The following CYYR1 variants were observed in gnomAD, a reference collection of about 807,000 sequenced individuals.
The protein encoded by CYYR1 is cysteine and tyrosine-rich protein 1.
Under a neutral mutation model 15.2 loss-of-function variants are expected in CYYR1, and 14 were observed. That is an observed-to-expected ratio of 0.92 (90% confidence interval 0.61 to 1.44). The LOEUF (loss-of-function observed/expected upper bound fraction) is 1.44. Ranked by LOEUF, CYYR1 falls within the 40% of genes most tolerant of loss-of-function variation. The pLI, the probability that CYYR1 is intolerant of heterozygous loss-of-function variation, is 0.00. For synonymous variants in CYYR1, 80 were observed against 77.4 expected, an observed-to-expected ratio of 1.03 and a Z score of -0.18; for missense variants, 228 against 209.5, an observed-to-expected ratio of 1.09 and a Z score of -0.54.
At chr21:26,515,293 C>CT (rs1265301519) in intron 2 of CYYR1, among the ~76,000 whole-genome samples, 2 of 152,170 alleles carry the variant, frequency 1.3e-5, no homozygotes, top group African/African-American at 2.4e-5. Context: ...TCCTGTACAC[C>CT]TTGTCTCCTC....
chr21:26,524,389 A>C (rs181760615), intron 2 of CYYR1, among the ~76,000 whole-genome samples: 2 of 152,364 alleles, frequency 1.3e-5, no homozygotes, highest in Admixed American at 1.3e-4. Context: ...TAAATTGCTT[A>C]CATTGAATGT....
chr21:26,507,752 A>G (rs1171808694), intron 2 of CYYR1, among the ~76,000 whole-genome samples: 1 of 152,162 alleles, frequency 6.6e-6, no homozygotes, highest in Non-Finnish European at 1.5e-5. Context: ...AAGAAATTAC[A>G]TTTTCCCTCA....
In CYYR1 at chr21:26,539,664, C is replaced by A. The variant is rs1315630690; in HGVS notation, c.176+26602G>T. Among the ~76,000 whole-genome samples, 4 of 152,166 alleles carry A rather than the reference C, an allele frequency of 2.6e-5. No individual in the cohort carries two copies. The East Asian group carries it at 7.7e-4, about 29-fold the overall frequency. Reference sequence around the variant, plus strand: ...CTTTTTGATATTCTGCCTCAACATACTTAGATCTCTATGTTCTCTAGTCTA... The same window carrying A: ...CTTTTTGATATTCTGCCTCAACATAATTAGATCTCTATGTTCTCTAGTCTA... On this transcript the variant is annotated intron_variant, in intron 2 of 3. Transcript: ENST00000652641.
chr21:26,479,658 C>G (rs958095658), intron 3 of CYYR1, among the ~76,000 whole-genome samples: 4 of 151,986 alleles, frequency 2.6e-5, no homozygotes, highest in African/African-American at 9.7e-5. Context: ...TGCCCTTGCT[C>G]TTTGTTGAAA....
chr21:26,546,580 C>T (rs1434053423), intron 2 of CYYR1, among the ~76,000 whole-genome samples: 1 of 152,164 alleles, frequency 6.6e-6, no homozygotes, highest in Non-Finnish European at 1.5e-5. Flanking sequence ...AATTCCACTT[C>T]CCCCAACTGG....
chr21:26,492,275 C>T (rs1041855536), intron 2 of CYYR1, among the ~76,000 whole-genome samples: 2 of 152,154 alleles, frequency 1.3e-5, no homozygotes, highest in African/African-American at 4.8e-5. Flanking sequence ...AGAGAAGGAA[C>T]GTGATTGGCG....
At chr21:26,520,205 C>T (rs2065786472) in intron 2 of CYYR1, among the ~76,000 whole-genome samples, 1 of 149,814 alleles carries the variant, frequency 6.7e-6, no homozygotes, top group African/African-American at 2.5e-5. Flanking sequence ...CACCTATTGA[C>T]CCATCCTCTA....
At chr21:26,472,540 A>T (rs1010450305) in intron 3 of CYYR1, among the ~76,000 whole-genome samples, 1 of 152,130 alleles carries the variant, frequency 6.6e-6, no homozygotes, top group Non-Finnish European at 1.5e-5. Context: ...TCTTTTGATA[A>T]CAGCTAGGTT....
intron 2 of CYYR1, among the ~76,000 whole-genome samples, chr21:26,509,142 T>C (rs1008587668): frequency 6.6e-6 from 1 of 152,178 alleles, no homozygotes; most frequent in Non-Finnish European, 1.5e-5. Flanking sequence ...CCCTCCATGA[T>C]ATGCCTTGTT....
intron 2 of CYYR1, chr21:26,506,837 T>C (rs1293545600): frequency 6.6e-6 from 1 of 152,138 alleles, no homozygotes; most frequent in Non-Finnish European, 1.5e-5. Context: ...ACTTGACCAC[T>C]GGTAACTCTA....
At chr21:26,539,307 C>T (rs772571943) in intron 2 of CYYR1, among the ~76,000 whole-genome samples, 6 of 152,210 alleles carry the variant, frequency 3.9e-5, no homozygotes, top group South Asian at 2.1e-4. Context: ...GAGCCTTTCA[C>T]GAGCCAAGCA....
intron 3 of CYYR1, chr21:26,478,103 A>C (rs1362724946): frequency 6.5e-7 from 1 of 1,549,774 alleles, no homozygotes; most frequent in East Asian, 2.4e-5. Context: ...TGAACAAAAT[A>C]GACCAAGATC....
At chr21:26,504,829 G>A (rs967630743) in intron 2 of CYYR1, among the ~76,000 whole-genome samples, 1 of 151,910 alleles carries the variant, frequency 6.6e-6, no homozygotes, top group African/African-American at 2.4e-5. Context: ...CCAGCCTCTG[G>A]TAACCACCCT....
At chr21:26,528,263 G>A (rs905758871) in intron 2 of CYYR1, among the ~76,000 whole-genome samples, 2 of 152,068 alleles carry the variant, frequency 1.3e-5, no homozygotes, top group Non-Finnish European at 2.9e-5. Flanking sequence ...TAATGCAACT[G>A]ATATGATTTG....
At chr21:26,475,292 C>A (rs191794360) in intron 3 of CYYR1, among the ~76,000 whole-genome samples, 1 of 151,746 alleles carries the variant, frequency 6.6e-6, no homozygotes, top group East Asian at 1.9e-4. Flanking sequence ...AAAATTGGCA[C>A]GAGCAAAAAA....
rs140942198 is a variant in CYYR1 at position 26,572,941 on chromosome 21, C to T, written c.-1G>A. ...GCACGGGTAGCCTCGGAGCGTCCATCCAAGCCGGTGGCCTGAGGCTTGGAG... is the reference window on the plus strand; with the variant it reads ...GCACGGGTAGCCTCGGAGCGTCCATTCAAGCCGGTGGCCTGAGGCTTGGAG... On this transcript the variant is annotated 5_prime_UTR_variant, in exon 1 of 4. The change creates a premature stop within an existing upstream ORF in the 5' untranslated region. Transcript: ENST00000652641. 16 of 1,613,652 alleles carry T rather than the reference C, an allele frequency of 9.9e-6. No individual in the cohort carries two copies. Among genetic ancestry groups the T allele is most frequent in the Non-Finnish European group, 1.3e-5 (15 of 1,179,986 alleles).
chr21:26,490,240 C>T (rs1322632653), intron 2 of CYYR1, among the ~76,000 whole-genome samples: 1 of 151,870 alleles, frequency 6.6e-6, no homozygotes, highest in East Asian at 1.9e-4. Context: ...GCAGAGGTTG[C>T]AGTGAGCCAA....
intron 2 of CYYR1, among the ~76,000 whole-genome samples, chr21:26,482,092 C>T (rs1188360915): frequency 2.0e-5 from 3 of 151,762 alleles, no homozygotes; most frequent in Admixed American, 6.6e-5. Context: ...TTTGTTTTTA[C>T]ACATTATTTA....
intron 2 of CYYR1, among the ~76,000 whole-genome samples, chr21:26,494,140 T>C (rs1164701239): frequency 4.6e-5 from 7 of 152,184 alleles, no homozygotes; most frequent in African/African-American, 1.7e-4. Flanking sequence ...CACAACTAAT[T>C]AGCAGAAATT....
Sources: gnomAD v4.1 joint callset for allele counts (sites outside exome capture counted in the v4.1 genomes callset) on GRCh38, gnomAD v4.1.1 for gene constraint, MANE v1.5 for transcripts, NCBI Gene and HGNC (gene_info 2026-07-23, HGNC 2026-07-21) for gene names.